The following HYAL1 variants were observed in gnomAD, a reference collection of about 807,000 sequenced individuals.
The protein encoded by HYAL1 is hyaluronidase 1.
HYAL1 carries 21 observed loss-of-function variants against 28.8 expected under a neutral mutation model. That is an observed-to-expected ratio of 0.73 (90% CI 0.52 to 1.05). HYAL1 has a LOEUF of 1.05. HYAL1 is among the 50% of genes least tolerant of loss of function. HYAL1 has a pLI of 0.00. For synonymous variants in HYAL1, 200 were observed against 230.1 expected, an observed-to-expected ratio of 0.87 and a Z score of 1.18; for missense variants, 491 against 579.2, an observed-to-expected ratio of 0.85 and a Z score of 1.56.
At chr3:50,309,550 A>G (rs1553714480) in intron 2 of HYAL1, 1 of 151,314 alleles carries the variant, frequency 6.6e-6, no homozygotes, top group African/African-American at 2.5e-5. Flanking sequence ...TTTGACAGGA[A>G]TGGTGTGCTT....
At chr3:50,305,087 T>C (rs1420331562), upstream of HYAL1, among the ~76,000 whole-genome samples, 1 of 152,240 alleles carries the variant, frequency 6.6e-6, no homozygotes, top group African/African-American at 2.4e-5. Flanking sequence ...ATGCATATTA[T>C]GATTGCCTCC....
At chr3:50,306,652 C>T (rs986277285), upstream of HYAL1, among the ~76,000 whole-genome samples, 2 of 150,910 alleles carry the variant, frequency 1.3e-5, no homozygotes, top group Admixed American at 6.6e-5. Context: ...TTTGGGAGGC[C>T]GAGGTGGGCG....
upstream of HYAL1, among the ~76,000 whole-genome samples, chr3:50,307,027 G>A (rs928562808): frequency 1.1e-4 from 16 of 150,138 alleles, no homozygotes; most frequent in Admixed American, 5.3e-4. Context: ...CTGAGATTGC[G>A]CCACTGCCCT....
chr3:50,302,529 G>T lies in HYAL1; in HGVS notation c.428C>A (p.Thr143Asn). ...TGAGCGCTGCCGGTAAATGTCCTTG[G>T]TGTCCCAGTTGAAGGCCCAGCGTGG... is the stretch of plus-strand genomic sequence containing the variant. ...WRPRWAFNWDTKDIYRQRSRA... is the reference protein window; with the variant it reads ...WRPRWAFNWDNKDIYRQRSRA... The change falls in exon 2 of 4, where the codon ACC becomes AAC. Residue 143 changes from threonine to asparagine, a missense_variant. Transcript: ENST00000395144. The surrounding 1 kb of genome is among the most constrained non-coding windows in gnomAD (Gnocchi z 5.0). 1 of 1,614,176 alleles carries T rather than the reference G, an allele frequency of 6.2e-7. No homozygotes were observed. The highest frequency in any genetic ancestry group is 8.5e-7 in the Non-Finnish European group (1 of 1,180,016).
upstream of HYAL1, among the ~76,000 whole-genome samples, chr3:50,305,280 G>A (rs1313494955): frequency 6.6e-6 from 1 of 152,084 alleles, no homozygotes; most frequent in Non-Finnish European, 1.5e-5. Context: ...GTCTCGCTCT[G>A]TCGCCCAGGC....
At chr3:50,309,924 G>T (rs900420309) in intron 1 of HYAL1, 1 of 151,484 alleles carries the variant, frequency 6.6e-6, no homozygotes. Flanking sequence ...GCTTTAAAAA[G>T]TCTTACCTGA....
chr3:50,304,298 T>A (rs1440159041), upstream of HYAL1, among the ~76,000 whole-genome samples: 2,940 of 13,522 alleles, frequency 0.22, 105 homozygotes, highest in East Asian at 0.3. Context: ...AAAAAAAAAA[T>A]ATATATATAT....
Position 50,300,140 on chromosome 3 carries a change from T to G in HYAL1, c.*343A>C. ...GAATGAATAAGTCCACATAAAACGC[T>G]TAGCACGGGGATTGGCAAAGAGTAG... On this transcript the variant is annotated 3_prime_UTR_variant, in exon 4 of 4. Transcript: ENST00000395144. 1 of 364,966 alleles carries G rather than the reference T, an allele frequency of 2.7e-6. No individual in the cohort carries two copies. The highest frequency in any genetic ancestry group is 2.6e-5 in the South Asian group (1 of 38,918). The allele number at this position is 364,966 out of a possible 1,614,324, so 22.6% of individuals were successfully genotyped here. A position where few individuals can be genotyped will look rare whatever the true frequency, so the allele number is the denominator to read the frequency against.
rs781879744 is a variant in HYAL1, at chr3:50,300,477, G to A, written c.*6C>T. On this transcript the variant is annotated 3_prime_UTR_variant, in exon 4 of 4. Transcript: ENST00000395144. The stretch of plus-strand genomic sequence containing the variant: ...TCTCAATATGTGCAACTCAGTGTGT[G>A]GCCAATCACCACATGCTCTTCCGCT... 6.2e-7 allele frequency: 1 copy of A among 1,614,032 alleles called. No homozygotes were observed. The highest frequency in any genetic ancestry group is 8.5e-7 in the Non-Finnish European group (1 of 1,179,910).
chr3:50,311,261 G>T (rs1477325841), intron 1 of HYAL1, among the ~76,000 whole-genome samples: 3 of 140,168 alleles, frequency 2.1e-5, no homozygotes, highest in South Asian at 4.7e-4. Context: ...CGGCCGGGGC[G>T]GGGGGCTGAC....
chr3:50,311,740 C>A (rs1273526255), intron 1 of HYAL1, among the ~76,000 whole-genome samples: 1 of 143,578 alleles, frequency 7.0e-6, no homozygotes, highest in African/African-American at 2.6e-5. Context: ...ACCTCCCTCA[C>A]GGACGGGGCG....
chr3:50,303,169 C>T (rs1426683206), intron 1 of HYAL1, 189 bp from the exon 2 acceptor site: 5 of 526,908 alleles, frequency 9.5e-6, no homozygotes, highest in Middle Eastern at 4.9e-4. Flanking sequence ...AGGGCACATC[C>T]GAGTTGCCTC....
At chr3:50,304,682 G>A (rs1553713762), upstream of HYAL1, among the ~76,000 whole-genome samples, 1 of 152,090 alleles carries the variant, frequency 6.6e-6, no homozygotes, top group African/African-American at 2.4e-5. Context: ...CATCCCTGTT[G>A]TAGGGACCTG....
Position 50,302,695 on chromosome 3 carries a change from TG to T in HYAL1, c.261del (p.Thr88LeufsTer15). Reference sequence around the variant, plus strand: ...AGACCACCAAACACAGGCTCCCCAGTGGGCGTGTAGTAGGGGTAGGTGCCCA... The same window carrying T: ...AGACCACCAAACACAGGCTCCCCAGTGGCGTGTAGTAGGGGTAGGTGCCCA... ...SQLGTYPYYT[P>X]TGEPVFGGLP... is the part of the protein sequence containing the mutation. On this transcript the variant is annotated frameshift_variant, in exon 2 of 4. Coordinates refer to ENST00000395144, the MANE Select transcript of HYAL1 (RefSeq NM_033159.4). LOFTEE classifies it high-confidence loss of function. This position sits in a 1 kb window ranked among gnomAD's most constrained non-coding sequence, Gnocchi z 5.0. The T allele has an allele frequency of 6.2e-7, 1 of 1,614,042 alleles. No homozygotes were observed. Among genetic ancestry groups the T allele is most frequent in the Non-Finnish European group, 8.5e-7 (1 of 1,180,024 alleles).
upstream of HYAL1, among the ~76,000 whole-genome samples, chr3:50,307,680 G>GAAAAAAAAAA (rs1160592800): frequency 4.0e-5 from 1 of 24,986 alleles, no homozygotes; most frequent in Non-Finnish European, 7.3e-5. Context: ...GACTCCATCT[G>GAAAAAAAAAA]AAAAAAAAAA....
Position 50,302,189 on chromosome 3 carries a change from C to T in HYAL1, c.768G>A (p.Gly256=), listed in dbSNP as rs782189959. The change falls in exon 2 of 4, where the codon GGG becomes GGA. Residue 256 remains glycine (G), a synonymous_variant. Coordinates refer to ENST00000395144, the MANE Select transcript of HYAL1 (RefSeq NM_033159.4). The surrounding 1 kb of genome is among the most constrained non-coding windows in gnomAD (Gnocchi z 5.0). ...IYMPAVLEGT[G]KSQMYVQHRV... is the part of the protein sequence containing the mutation. ...GGTGTTGCACATACATCTGTGACTT[C>T]CCTGTGCCCTCCAGCACTGCGGGCA... 6.2e-7 allele frequency: 1 copy of T among 1,614,200 alleles called. No individual in the cohort carries two copies. Among genetic ancestry groups the T allele is most frequent in the East Asian group, 2.2e-5 (1 of 44,882 alleles).
intron 1 of HYAL1, among the ~76,000 whole-genome samples, chr3:50,311,455 C>CA (rs1553714782): frequency 7.9e-6 from 1 of 127,276 alleles, no homozygotes; most frequent in Non-Finnish European, 1.7e-5. Context: ...GACCCCCCCC[C>CA]ACCTCCCTCC....
intron 1 of HYAL1, among the ~76,000 whole-genome samples, chr3:50,311,305 C>T (rs1375387808): frequency 3.9e-5 from 5 of 128,674 alleles, no homozygotes; most frequent in Admixed American, 1.5e-4. Context: ...GGCGGCTGGC[C>T]GGGCGGGGGG....
chr3:50,301,615 C>CAA (rs34686771), intron 2 of HYAL1, among the ~76,000 whole-genome samples: 9 of 45,862 alleles, frequency 2.0e-4, no homozygotes, highest in Non-Finnish European at 3.1e-4. Flanking sequence ...GACTCCGTCT[C>CAA]AAAAAAAAAA....
Sources: gnomAD v4.1 joint callset for allele counts (sites outside exome capture counted in the v4.1 genomes callset) on GRCh38, gnomAD v4.1.1 for gene constraint, Gnocchi (gnomAD v3.1) non-coding constraint, MANE v1.5 for transcripts, NCBI Gene and HGNC (gene_info 2026-07-23, HGNC 2026-07-21) for gene names.